Variants in DNAH10 observed in about 807,000 individuals in gnomAD.
DNAH10 encodes the protein dynein axonemal heavy chain 10, also known as axonemal beta dynein heavy chain 10.
A neutral mutation model predicts 506.6 loss-of-function variants in DNAH10; 348 were observed. The ratio of observed to expected loss-of-function variants is 0.69; its 90% CI spans 0.63 to 0.75. The LOEUF (loss-of-function observed/expected upper bound fraction) is 0.75. DNAH10 is among the 30% of genes least tolerant of loss of function. DNAH10 has a pLI of 0.00. For missense variants in DNAH10, 5,179 were observed against 5,787.1 expected (o/e 0.89, Z 3.41); for synonymous variants, 2,059 against 2,198.6 (o/e 0.94, Z 1.78).
intron 61 of DNAH10, 100 bp from the exon 62 acceptor site, chr12:123,914,752 G>A: frequency 6.7e-7 from 1 of 1,491,578 alleles, no homozygotes; most frequent in South Asian, 1.3e-5. Context: ...GTGTGGCCTG[G>A]GGATGGGTAG....
In DNAH10 at chr12:123,933,475, C is replaced by T; in HGVS notation, c.13441C>T (p.Gln4481Ter). Residue 4481 changes from glutamine to a stop codon, truncating the protein, a stop_gained, in exon 77 of 79, where the codon CAG (glutamine) becomes TAG (stop). Transcript: ENST00000673944. LOFTEE classifies it high-confidence loss of function. ...STLFTQVTKF[Q>*]DADEVNERAG... Reference sequence around the variant, plus strand: ...CTTGTTCACACAAGTGACCAAGTTCCAGGATGCAGATGAAGTGAATGAGCG... The same window carrying T: ...CTTGTTCACACAAGTGACCAAGTTCTAGGATGCAGATGAAGTGAATGAGCG... 6.2e-7 allele frequency: 1 copy of T among 1,610,982 alleles called. No homozygotes were observed. Among genetic ancestry groups the T allele is most frequent in the Non-Finnish European group, 8.5e-7 (1 of 1,178,508 alleles).
At chr12:123,779,192 C>T (rs764360706) in intron 5 of DNAH10, among the ~76,000 whole-genome samples, 5 of 151,470 alleles carry the variant, frequency 3.3e-5, no homozygotes, top group Non-Finnish European at 1.5e-5. Context: ...TGTGAGCCAC[C>T]GTGCCCGGCC....
In DNAH10 at chr12:123,803,778, T is replaced by C; in HGVS notation, c.2732T>C (p.Ile911Thr). Residue 911 changes from isoleucine to threonine, a missense_variant, in exon 17 of 79, where the codon ATA becomes ACA. By Grantham distance (89) the Ile-to-Thr change is moderately conservative. Around this residue, in one of 3 missense-constraint regions of DNAH10, gnomAD observed 4,844 missense variants for 5,430.5 expected, o/e 0.89. Transcript: ENST00000673944. Reference protein sequence around the residue: ...ISSRLTLIEAINLFKYPAAKS... With the variant: ...ISSRLTLIEATNLFKYPAAKS... ...TCCAGGCTGACATTAATAGAGGCCA[T>C]AAATCTCTTTAAATATCCAGCCGCT... is the stretch of plus-strand genomic sequence containing the variant. 1 of 1,611,684 alleles carries C rather than the reference T, an allele frequency of 6.2e-7. No homozygotes were observed.
At chr12:123,894,587 G>T (rs781511164) in intron 53 of DNAH10, 56 bp from the exon 54 acceptor site, 30 of 1,520,532 alleles carry the variant, frequency 2.0e-5, no homozygotes, top group Non-Finnish European at 2.7e-5. Context: ...TAGAGACAGG[G>T]TCTCGCCACA....
rs540182810 is a variant in DNAH10 at position 123,917,021 on chromosome 12, C to T, written c.11002+285C>T. 6.6e-5 allele frequency among the ~76,000 whole-genome samples: 10 copies of T among 152,190 alleles called. No homozygotes were observed. In the South Asian group the frequency reaches 2.1e-3, roughly 32 times the overall value. On this transcript the variant is annotated intron_variant, in intron 63 of 78. Coordinates refer to ENST00000673944, the MANE Select transcript of DNAH10 (RefSeq NM_001372106.1). The surrounding 1 kb of genome is among the most constrained non-coding windows in gnomAD (Gnocchi z 5.6). Reference sequence around the variant, plus strand: ...TGGGGGCAGGAAGTTACTCTATATTCGTGTATTTAAAATACATGTTGTGAT... The same window carrying T: ...TGGGGGCAGGAAGTTACTCTATATTTGTGTATTTAAAATACATGTTGTGAT...
At chr12:123,842,268 G>A (rs1950801837) in intron 30 of DNAH10, among the ~76,000 whole-genome samples, 1 of 152,218 alleles carries the variant, frequency 6.6e-6, no homozygotes, top group Non-Finnish European at 1.5e-5. Context: ...GTGGGATTAT[G>A]TGTATGTAAC....
In DNAH10 at chr12:123,766,974, C is replaced by T. The variant is rs191231124; in HGVS notation, c.215-632C>T. On this transcript the variant is annotated intron_variant, in intron 1 of 78. Coordinates refer to ENST00000673944, the MANE Select transcript of DNAH10 (RefSeq NM_001372106.1). The stretch of plus-strand genomic sequence containing the variant: ...AGGCTGGAGTGCAGTGGTGTGATCT[C>T]GGCTCACTGCAACCTCCGCCTCTTG... Among the ~76,000 whole-genome samples, 244 of 147,190 alleles carry T rather than the reference C, an allele frequency of 1.7e-3. 2 individuals carry two copies. The highest frequency in any genetic ancestry group is 2.9e-3 in the Admixed American group (43 of 14,668).
chr12:123,802,165 G>A (rs866050483), intron 16 of DNAH10, among the ~76,000 whole-genome samples: 2 of 152,250 alleles, frequency 1.3e-5, no homozygotes, highest in East Asian at 1.9e-4. Flanking sequence ...GGTTGTTTCC[G>A]GTTTTGGCTC....
At chr12:123,837,544 T>C (rs1961291931) in intron 28 of DNAH10, among the ~76,000 whole-genome samples, 1 of 151,434 alleles carries the variant, frequency 6.6e-6, no homozygotes, top group South Asian at 2.1e-4. Flanking sequence ...CAAATAGATA[T>C]AAATAAATAA....
chr12:123,895,880 A>G (rs986299930), intron 54 of DNAH10, among the ~76,000 whole-genome samples: 2 of 152,126 alleles, frequency 1.3e-5, no homozygotes, highest in African/African-American at 4.8e-5. Context: ...TGGGAGGCTG[A>G]GGCGGGTGGA....
chr12:123,843,949 A>C (rs1359174120), intron 30 of DNAH10, among the ~76,000 whole-genome samples: 1 of 152,200 alleles, frequency 6.6e-6, no homozygotes, highest in Non-Finnish European at 1.5e-5. Context: ...ATCCGCAGTC[A>C]CTTTTCCAGT....
intron 54 of DNAH10, 54 bp from the exon 55 acceptor site, chr12:123,897,716 C>T: frequency 6.3e-7 from 1 of 1,579,518 alleles, no homozygotes; most frequent in Non-Finnish European, 8.6e-7. Context: ...CAGAGTGAGA[C>T]CCTGTGTCGA....
chr12:123,806,959 G>A (rs889094399), intron 18 of DNAH10, among the ~76,000 whole-genome samples: 9 of 152,194 alleles, frequency 5.9e-5, no homozygotes, highest in East Asian at 5.8e-4. Context: ...TAGTAGAGAC[G>A]GAGTTCCACT....
chr12:123,859,151 T>C lies in DNAH10; in HGVS notation c.6632T>C (p.Val2211Ala). 1.9e-6 allele frequency: 3 copies of C among 1,607,304 alleles called. No homozygotes were observed. The highest frequency in any genetic ancestry group is 2.5e-6 in the Non-Finnish European group (3 of 1,177,358). Residue 2211 changes from valine to alanine, a missense_variant and splice_region_variant, in exon 38 of 79, where the codon GTG (valine) becomes GCG (alanine). By Grantham distance (64) the Val-to-Ala change is moderately conservative. Transcript: ENST00000673944. ...CAGCTGCCATTGTTTGTCCCGCAGG[T>C]GGATAAAGTGGTTCAAATGTTCGAG... is the stretch of plus-strand genomic sequence containing the variant. ...ENGYAVLPIQVDKVVQMFETM... is the reference protein window; with the variant it reads ...ENGYAVLPIQADKVVQMFETM...
intron 25 of DNAH10, among the ~76,000 whole-genome samples, chr12:123,830,222 T>G (rs1458493684): frequency 1.3e-5 from 2 of 152,188 alleles, no homozygotes; most frequent in Non-Finnish European, 2.9e-5. Context: ...GCTGAGTGAT[T>G]CAACAGAGGT....
Position 123,886,048 on chromosome 12 carries a change from T to C in DNAH10, c.8824-1094T>C, listed in dbSNP as rs1952712132. The stretch of plus-strand genomic sequence containing the variant: ...GAAAAACTAATATGCTTGATCTAGC[T>C]TTAAATCTGATGAAATACATAATTG... On this transcript the variant is annotated intron_variant, in intron 51 of 78. Coordinates refer to ENST00000673944, the MANE Select transcript of DNAH10 (RefSeq NM_001372106.1). Among the ~76,000 whole-genome samples, 3 of 152,374 alleles carry C rather than the reference T, an allele frequency of 2.0e-5. No individual in the cohort carries two copies. In the South Asian group the frequency reaches 6.2e-4, roughly 32 times the overall value.
Position 123,799,274 on chromosome 12 carries a change from G to T in DNAH10, c.2192G>T (p.Arg731Met). The change falls in exon 14 of 79, where the codon AGG becomes ATG. Residue 731 changes from arginine to methionine, a missense_variant. Transcript: ENST00000673944. Reference protein sequence around the residue: ...EVKQKYLEVGRTMKEYEDRKY... With the variant: ...EVKQKYLEVGMTMKEYEDRKY... Reference sequence around the variant, plus strand: ...AAACAAAAATATTTGGAAGTAGGTAGGACAATGAAGGAGTATGAAGACAGA... The same window carrying T: ...AAACAAAAATATTTGGAAGTAGGTATGACAATGAAGGAGTATGAAGACAGA... The T allele has an allele frequency of 1.9e-6, 3 of 1,613,324 alleles. No homozygotes were observed. The highest frequency in any genetic ancestry group is 2.5e-6 in the Non-Finnish European group (3 of 1,179,500).
In DNAH10 at chr12:123,877,833, C is replaced by T; in HGVS notation, c.8297C>T (p.Ser2766Leu). ...NIVQDLPPTP[S>L]KFHYIFNLRD... The stretch of plus-strand genomic sequence containing the variant: ...GTGCAAGACCTACCTCCCACTCCGT[C>T]AAAGTTCCATTACATCTTCAACCTT... The change falls in exon 48 of 79, where the codon TCA becomes TTA. Residue 2766 changes from serine (S) to leucine (L), a missense_variant. Transcript: ENST00000673944. 1 of 1,614,028 alleles carries T rather than the reference C, an allele frequency of 6.2e-7. No homozygotes were observed. The highest frequency in any genetic ancestry group is 8.5e-7 in the Non-Finnish European group (1 of 1,179,908).
intron 59 of DNAH10, 78 bp downstream of exon 59, chr12:123,910,750 G>C: frequency 6.5e-7 from 1 of 1,527,228 alleles, no homozygotes; most frequent in Admixed American, 2.2e-5. Flanking sequence ...ACATACCTTT[G>C]CTGAAAAACT....
Sources: gnomAD v4.1 joint callset for allele counts (sites outside exome capture counted in the v4.1 genomes callset) on GRCh38, gnomAD v4.1.1 for gene constraint, gnomAD v4.1.1 regional missense constraint, Gnocchi (gnomAD v3.1) non-coding constraint, MANE v1.5 for transcripts, NCBI Gene and HGNC (gene_info 2026-07-23, HGNC 2026-07-21) for gene names.